The following KCNIP4 variants were observed in gnomAD, a reference collection of about 807,000 sequenced individuals.
KCNIP4 encodes the protein potassium voltage-gated channel interacting protein 4.
In KCNIP4, 12 loss-of-function variants were observed where a neutral mutation model predicts 34.0. That is an observed-to-expected ratio of 0.35 (90% CI 0.23 to 0.57). The LOEUF is 0.57. Ranked by LOEUF, KCNIP4 falls within the 20% of genes least tolerant of loss-of-function variation. KCNIP4 has a pLI of 0.83. For synonymous variants in KCNIP4, 124 were observed against 102.2 expected (o/e 1.21, Z -1.29); for missense variants, 238 against 311.7 (o/e 0.76, Z 1.78).
At chr4:20,860,184 G>A (rs958077073) in intron 2 of KCNIP4, among the ~76,000 whole-genome samples, 2 of 151,570 alleles carry the variant, frequency 1.3e-5, no homozygotes, top group African/African-American at 4.9e-5. Flanking sequence ...TTGTTGCCCA[G>A]GTTGGAGTGC....
intron 3 of KCNIP4, among the ~76,000 whole-genome samples, chr4:20,759,935 A>C (rs1037682966): frequency 2.0e-5 from 3 of 152,184 alleles, no homozygotes; most frequent in Non-Finnish European, 4.4e-5. Flanking sequence ...ATCCATGCAC[A>C]TTCAAGTCCC....
At chr4:20,927,104 G>A (rs910538830) in intron 1 of KCNIP4, among the ~76,000 whole-genome samples, 6 of 151,954 alleles carry the variant, frequency 3.9e-5, no homozygotes, top group African/African-American at 1.5e-4. Flanking sequence ...TTAGCCTCCG[G>A]AGTAGCTGAA....
intron 1 of KCNIP4, among the ~76,000 whole-genome samples, chr4:21,311,803 G>A (rs954051172): frequency 6.6e-6 from 1 of 152,214 alleles, no homozygotes; most frequent in African/African-American, 2.4e-5. Context: ...CAGATGCAGT[G>A]AGGTGTTGGC....
At chr4:20,951,810 G>A (rs1015018657) in intron 1 of KCNIP4, among the ~76,000 whole-genome samples, 2 of 152,196 alleles carry the variant, frequency 1.3e-5, no homozygotes, top group African/African-American at 2.4e-5. Context: ...GTTGAAGATA[G>A]CACAATAGAT....
At chr4:21,811,533 C>T (rs1233990477) in intron 1 of KCNIP4, among the ~76,000 whole-genome samples, 7 of 152,298 alleles carry the variant, frequency 4.6e-5, no homozygotes, top group South Asian at 2.1e-4. Context: ...AAAACTCAAG[C>T]GAAGTGGGTA....
At chr4:21,343,756 A>C (rs914094089) in intron 1 of KCNIP4, among the ~76,000 whole-genome samples, 1 of 152,132 alleles carries the variant, frequency 6.6e-6, no homozygotes, top group African/African-American at 2.4e-5. Context: ...TCCCCTGTAG[A>C]TTCCGACGCA....
At chr4:21,366,919 C>T (rs1268649644) in intron 1 of KCNIP4, among the ~76,000 whole-genome samples, 1 of 152,024 alleles carries the variant, frequency 6.6e-6, no homozygotes, top group Non-Finnish European at 1.5e-5. Flanking sequence ...AGTTTAATCA[C>T]CAATGTGTTA....
At chr4:21,218,994 G>A (rs1044856191) in intron 1 of KCNIP4, among the ~76,000 whole-genome samples, 29 of 151,960 alleles carry the variant, frequency 1.9e-4, no homozygotes, top group Admixed American at 3.3e-4. Flanking sequence ...TTATAAATTC[G>A]TAAATTTAAT....
chr4:21,580,049 A>C (rs938237130), intron 1 of KCNIP4, among the ~76,000 whole-genome samples: 7 of 152,172 alleles, frequency 4.6e-5, no homozygotes, highest in Non-Finnish European at 5.9e-5. Context: ...TGTTGAAATA[A>C]AACATATTTA....
At chr4:20,829,842 C>T (rs141544069) in intron 3 of KCNIP4, among the ~76,000 whole-genome samples, 44 of 152,138 alleles carry the variant, frequency 2.9e-4, no homozygotes, top group East Asian at 2.7e-3. Context: ...TCCAGTCTCA[C>T]GGAGATAAGT....
intron 1 of KCNIP4, among the ~76,000 whole-genome samples, chr4:21,059,409 A>G (rs1404586172): frequency 6.6e-6 from 1 of 152,118 alleles, no homozygotes; most frequent in East Asian, 1.9e-4. Flanking sequence ...TTCTCACAAA[A>G]TTACATGGCT....
At chr4:21,905,003 A>G (rs1049635207) in intron 1 of KCNIP4, among the ~76,000 whole-genome samples, 3 of 152,224 alleles carry the variant, frequency 2.0e-5, no homozygotes, top group African/African-American at 7.2e-5. Context: ...ACCCAGGTAT[A>G]AAATTAAGGA....
At chr4:21,159,210 C>T (rs971449438) in intron 1 of KCNIP4, among the ~76,000 whole-genome samples, 1 of 152,048 alleles carries the variant, frequency 6.6e-6, no homozygotes, top group Non-Finnish European at 1.5e-5. Flanking sequence ...GAATTCAAGA[C>T]TGATTATAAA....
At chr4:21,787,812 T>C (rs1017921666) in intron 1 of KCNIP4, among the ~76,000 whole-genome samples, 2 of 152,192 alleles carry the variant, frequency 1.3e-5, no homozygotes, top group African/African-American at 4.8e-5. Context: ...TATGTGCTTA[T>C]TCATTCAACA....
chr4:21,193,111 G>A (rs962235649), intron 1 of KCNIP4, among the ~76,000 whole-genome samples: 3 of 117,500 alleles, frequency 2.6e-5, no homozygotes, highest in Non-Finnish European at 5.0e-5. Context: ...GCAAGACCCT[G>A]GCTAAAAAAA....
chr4:21,440,439 G>C (rs573594328), intron 1 of KCNIP4, among the ~76,000 whole-genome samples: 60 of 152,266 alleles, frequency 3.9e-4, no homozygotes, highest in African/African-American at 1.4e-3. Context: ...ATAAAATTCT[G>C]ACTGTTCAAA....
At chr4:21,896,472 T>C (rs932226314) in intron 1 of KCNIP4, among the ~76,000 whole-genome samples, 2 of 152,056 alleles carry the variant, frequency 1.3e-5, no homozygotes, top group African/African-American at 2.4e-5. Flanking sequence ...TTCTAGGATA[T>C]GAGAGAAGAC....
intron 1 of KCNIP4, among the ~76,000 whole-genome samples, chr4:21,052,802 A>G (rs1213523755): frequency 6.6e-6 from 1 of 152,032 alleles, no homozygotes. Context: ...ACCATCACTG[A>G]CTTGGCACTG....
intron 1 of KCNIP4, among the ~76,000 whole-genome samples, chr4:21,630,249 G>A (rs1264796295): frequency 2.6e-5 from 4 of 151,644 alleles, no homozygotes; most frequent in South Asian, 2.1e-4. Flanking sequence ...GGTGGATCAC[G>A]AGGTCAAGAG....
Sources: gnomAD v4.1 joint callset for allele counts (sites outside exome capture counted in the v4.1 genomes callset) on GRCh38, gnomAD v4.1.1 for gene constraint, MANE v1.5 for transcripts, NCBI Gene and HGNC (gene_info 2026-07-23, HGNC 2026-07-21) for gene names.